The following GOLM1 variants were observed in gnomAD, a reference collection of about 807,000 sequenced individuals.
GOLM1 encodes golgi membrane protein 1.
In GOLM1, 31 loss-of-function variants were observed where a neutral mutation model predicts 50.5. The ratio of observed to expected loss-of-function variants is 0.61; its 90% CI spans 0.46 to 0.83. The LOEUF is 0.83. Among genes scored for constraint, GOLM1 ranks in the 40% least tolerant of loss-of-function variants. The probability of loss-of-function intolerance (pLI) is 0.00; values close to 1 mark genes in which losing one functional copy is unlikely to be tolerated. For synonymous variants in GOLM1, 178 were observed against 192.8 expected (o/e 0.92, Z 0.64); for missense variants, 491 against 501.3 (o/e 0.98, Z 0.20).
chr9:86,066,970 G>A (rs888883885), intron 3 of GOLM1, among the ~76,000 whole-genome samples: 3 of 151,944 alleles, frequency 2.0e-5, no homozygotes, highest in Admixed American at 6.6e-5. Flanking sequence ...ATGGAGTCTC[G>A]CTGTCACCCA....
intron 1 of GOLM1, chr9:86,085,116 T>C (rs1834914279): frequency 6.6e-6 from 1 of 152,180 alleles, no homozygotes; most frequent in African/African-American, 2.4e-5. Context: ...GAGGTTTTAA[T>C]CACAATCTTC....
intron 1 of GOLM1, among the ~76,000 whole-genome samples, chr9:86,092,518 G>A (rs988827673): frequency 6.6e-6 from 1 of 152,226 alleles, no homozygotes; most frequent in African/African-American, 2.4e-5. Context: ...AGTCCTGGAA[G>A]TCATACAATC....
In GOLM1 at chr9:86,050,936, G is replaced by T. The variant is rs367787793; in HGVS notation, c.364+1601C>A. Among the ~76,000 whole-genome samples the T allele has an allele frequency of 1.2e-4, 18 of 152,218 alleles. No individual in the cohort carries two copies. In the East Asian group the frequency reaches 2.9e-3, roughly 24 times the overall value. On this transcript the variant is annotated intron_variant, in intron 4 of 9. Transcript: ENST00000388712. Reference sequence around the variant, plus strand: ...GAATGTGTTTGCTCTTGCTTCTCTAGTTCTTTTAATTGTGGTGTTAGGGTG... The same window carrying T: ...GAATGTGTTTGCTCTTGCTTCTCTATTTCTTTTAATTGTGGTGTTAGGGTG...
intron 3 of GOLM1, among the ~76,000 whole-genome samples, chr9:86,066,777 G>T (rs1834319216): frequency 6.6e-6 from 1 of 152,098 alleles, no homozygotes; most frequent in Non-Finnish European, 1.5e-5. Flanking sequence ...TTCACGAAGT[G>T]CTAGTAAGTA....
chr9:86,035,069 C>T (rs1389083071), intron 8 of GOLM1: 2 of 985,196 alleles, frequency 2.0e-6, no homozygotes, highest in Non-Finnish European at 2.4e-6. Context: ...GCCTGCCTGC[C>T]AGGAGGGGGC....
At chr9:86,035,866 CA>C (rs1276980708) in intron 7 of GOLM1, among the ~76,000 whole-genome samples, 11 of 46,724 alleles carry the variant, frequency 2.4e-4, no homozygotes, top group South Asian at 7.2e-4. Flanking sequence ...AGTAGCTTAC[CA>C]AAAAAAAAAA....
At chr9:86,058,783 G>A (rs918141550) in intron 3 of GOLM1, among the ~76,000 whole-genome samples, 26 of 151,760 alleles carry the variant, frequency 1.7e-4, no homozygotes, top group African/African-American at 5.3e-4. Context: ...GATCACCTGA[G>A]GTCAGGGGTT....
intron 1 of GOLM1, among the ~76,000 whole-genome samples, chr9:86,086,651 A>G (rs1206563923): frequency 6.6e-6 from 1 of 152,188 alleles, no homozygotes; most frequent in African/African-American, 2.4e-5. Context: ...GAAGAGGTCC[A>G]GTTTCAGTTT....
At chr9:86,057,193 C>G (rs1232826051) in intron 3 of GOLM1, among the ~76,000 whole-genome samples, 1 of 152,124 alleles carries the variant, frequency 6.6e-6, no homozygotes, top group East Asian at 1.9e-4. Context: ...TTTATTATGA[C>G]CATTCCATTC....
chr9:86,097,365 A>G (rs557661570), intron 1 of GOLM1, among the ~76,000 whole-genome samples: 2 of 152,398 alleles, frequency 1.3e-5, no homozygotes, highest in East Asian at 3.9e-4. Context: ...TTACAAAAAC[A>G]GAAGTGCTTT....
intron 3 of GOLM1, among the ~76,000 whole-genome samples, chr9:86,068,481 C>T (rs1834366940): frequency 6.6e-6 from 1 of 152,234 alleles, no homozygotes; most frequent in Non-Finnish European, 1.5e-5. Context: ...AAAGAAGCCA[C>T]ACTGCCACGT....
intron 1 of GOLM1, among the ~76,000 whole-genome samples, chr9:86,092,462 C>G (rs994485440): frequency 6.6e-6 from 1 of 152,168 alleles, no homozygotes; most frequent in African/African-American, 2.4e-5. Flanking sequence ...ACATCCCAGA[C>G]CAGGATCATA....
intron 3 of GOLM1, among the ~76,000 whole-genome samples, chr9:86,074,989 C>G (rs944679852): frequency 6.6e-6 from 1 of 152,106 alleles, no homozygotes; most frequent in African/African-American, 2.4e-5. Flanking sequence ...CACCAAATAC[C>G]AAATGGAGGC....
intron 1 of GOLM1, chr9:86,079,553 T>G: frequency 5.2e-6 from 2 of 387,134 alleles, no homozygotes; most frequent in Non-Finnish European, 4.6e-6. Context: ...GTGTGGCCAG[T>G]TCCCAGGACA....
intron 3 of GOLM1, among the ~76,000 whole-genome samples, chr9:86,073,470 A>T (rs1484610500): frequency 6.6e-6 from 1 of 152,232 alleles, no homozygotes; most frequent in Non-Finnish European, 1.5e-5. Flanking sequence ...AGCTGATTTG[A>T]TAAGCTGAAC....
chr9:86,099,190 G>A (rs1835450496), intron 1 of GOLM1, among the ~76,000 whole-genome samples: 1 of 151,290 alleles, frequency 6.6e-6, no homozygotes, highest in African/African-American at 2.4e-5. Flanking sequence ...GTCTTGGGGA[G>A]CGAGCCGAGG....
chr9:86,086,068 GAACT>G (rs1834951604), intron 1 of GOLM1, among the ~76,000 whole-genome samples: 1 of 152,216 alleles, frequency 6.6e-6, no homozygotes, highest in African/African-American at 2.4e-5. Context: ...CACAATGGTT[GAACT>G]AACTTACACT....
chr9:86,072,219 G>A (rs190389998), intron 3 of GOLM1, among the ~76,000 whole-genome samples: 5 of 152,216 alleles, frequency 3.3e-5, no homozygotes, highest in Non-Finnish European at 7.4e-5. Context: ...GAGAAGAGAC[G>A]GAGAAGGGGA....
At chr9:86,087,704 G>A (rs903533824) in intron 1 of GOLM1, among the ~76,000 whole-genome samples, 3 of 152,142 alleles carry the variant, frequency 2.0e-5, no homozygotes, top group Admixed American at 6.5e-5. Context: ...AGAACCATGT[G>A]GTTTTTGCCA....
Sources: allele counts gnomAD v4.1 joint callset (sites outside exome capture counted in the v4.1 genomes callset), GRCh38; gene constraint gnomAD v4.1.1; transcripts MANE v1.5; gene names NCBI Gene and HGNC (gene_info 2026-07-23, HGNC 2026-07-21).